AGBL1: variants seen among roughly 807,000 people sequenced by gnomAD.
AGBL1 encodes cytosolic carboxypeptidase 4.
AGBL1 carries 130 observed loss-of-function variants against 118.9 expected under a neutral mutation model. The observed-to-expected ratio is 1.09, with a 90% CI of 0.95 to 1.26. The LOEUF is 1.26. AGBL1 is among the 50% of genes most tolerant of loss of function. The pLI is 0.00. For missense variants in AGBL1, 1,584 were observed against 1,298.1 expected (o/e 1.22, Z -3.38); for synonymous variants, 555 against 478.9 (o/e 1.16, Z -2.08).
intron 22 of AGBL1, among the ~76,000 whole-genome samples, chr15:86,728,868 A>G (rs1258546467): frequency 6.6e-6 from 1 of 152,178 alleles, no homozygotes; most frequent in Non-Finnish European, 1.5e-5. Context: ...TCTAACCTGC[A>G]CATCCAGATT....
intron 21 of AGBL1, among the ~76,000 whole-genome samples, chr15:86,658,312 C>G (rs1044061396): frequency 6.6e-6 from 1 of 152,048 alleles, no homozygotes; most frequent in African/African-American, 2.4e-5. Context: ...TGTCCTTAGC[C>G]TGAGAATGTA....
At chr15:86,134,467 T>C (rs2076858546) in intron 1 of AGBL1, among the ~76,000 whole-genome samples, 1 of 152,146 alleles carries the variant, frequency 6.6e-6, no homozygotes, top group Non-Finnish European at 1.5e-5. Flanking sequence ...TCAGGGGCAC[T>C]ACTCAAAGTG....
At chr15:86,257,484 T>C (rs1360731380) in intron 8 of AGBL1, among the ~76,000 whole-genome samples, 2 of 152,230 alleles carry the variant, frequency 1.3e-5, no homozygotes, top group African/African-American at 2.4e-5. Flanking sequence ...AAGATCCTAG[T>C]ACGAACAGAT....
intron 17 of AGBL1, among the ~76,000 whole-genome samples, chr15:86,324,057 G>T (rs2080145837): frequency 6.6e-6 from 1 of 152,162 alleles, no homozygotes. Flanking sequence ...AGAAAAAATA[G>T]AGTCATAAGC....
Position 86,267,075 on chromosome 15 carries a change from GAGTA to G in AGBL1, c.1838+6_1838+9del, listed in dbSNP as rs1472407052. ...TCTTCGCAAAGCCATCCAAGTGCGT[GAGTA>G]AGTAAGGAAAACCACAGTGGGTGTC... On this transcript the variant is annotated splice_donor_variant and splice_donor_region_variant and coding_sequence_variant and intron_variant, in exon 13 of 23. Transcript: ENST00000614907. LOFTEE classifies it high-confidence loss of function. 1 of 1,558,718 alleles carries G rather than the reference GAGTA, an allele frequency of 6.4e-7. No homozygotes were observed. Among genetic ancestry groups the G allele is most frequent in the Admixed American group, 1.9e-5 (1 of 51,992 alleles).
chr15:86,680,086 C>T (rs2085926044), intron 22 of AGBL1, among the ~76,000 whole-genome samples: 1 of 152,070 alleles, frequency 6.6e-6, no homozygotes, highest in Admixed American at 6.6e-5. Flanking sequence ...CATCTGTGTT[C>T]TATTTATTTG....
intron 6 of AGBL1, among the ~76,000 whole-genome samples, chr15:86,234,550 CAAAAAAA>C (rs397854519): frequency 1.3e-5 from 1 of 76,322 alleles, no homozygotes; most frequent in Non-Finnish European, 2.5e-5. Flanking sequence ...GACTCTATCT[CAAAAAAA>C]AAAAAAAAAA....
chr15:86,246,822 C>G (rs960594624), intron 6 of AGBL1, among the ~76,000 whole-genome samples: 1 of 152,158 alleles, frequency 6.6e-6, no homozygotes, highest in African/African-American at 2.4e-5. Flanking sequence ...ACATGGCAGC[C>G]TTACAGGTAC....
intron 21 of AGBL1, among the ~76,000 whole-genome samples, chr15:86,654,343 G>T (rs1415804412): frequency 6.6e-6 from 1 of 151,996 alleles, no homozygotes; most frequent in African/African-American, 2.4e-5. Context: ...CTTATTTTGA[G>T]TGTAGAAGCT....
chr15:86,301,311 C>T (rs1431051402), intron 17 of AGBL1, among the ~76,000 whole-genome samples: 1 of 151,618 alleles, frequency 6.6e-6, no homozygotes, highest in Non-Finnish European at 1.5e-5. Flanking sequence ...GGCTGAGGGA[C>T]ATAGGGACAT....
At chr15:86,757,074 A>G (rs2077952736) in intron 22 of AGBL1, among the ~76,000 whole-genome samples, 3 of 152,066 alleles carry the variant, frequency 2.0e-5, no homozygotes, top group African/African-American at 7.2e-5. Context: ...AGAATTTACA[A>G]CTAAAAACAG....
chr15:86,688,201 C>T (rs902855761), intron 22 of AGBL1, among the ~76,000 whole-genome samples: 32 of 151,976 alleles, frequency 2.1e-4, no homozygotes, highest in African/African-American at 7.5e-4. Context: ...GAGGGAGGTC[C>T]TCTCTGACCC....
At chr15:86,176,342 C>T (rs919953869) in intron 5 of AGBL1, among the ~76,000 whole-genome samples, 3 of 152,114 alleles carry the variant, frequency 2.0e-5, no homozygotes, top group African/African-American at 7.2e-5. Context: ...CAGGAAGGCT[C>T]CCAGACAGAC....
intron 17 of AGBL1, among the ~76,000 whole-genome samples, chr15:86,388,755 G>A (rs554525196): frequency 2.6e-5 from 4 of 152,166 alleles, no homozygotes; most frequent in South Asian, 4.1e-4. Context: ...TAAGTTTTTC[G>A]CTTGCTTTCC....
intron 7 of AGBL1, among the ~76,000 whole-genome samples, chr15:86,251,422 A>T (rs528851592): frequency 3.2e-4 from 49 of 152,282 alleles, no homozygotes; most frequent in African/African-American, 1.2e-3. Context: ...CTTTCCTGAC[A>T]ACTTCCTAAA....
intron 18 of AGBL1, among the ~76,000 whole-genome samples, chr15:86,483,782 A>G (rs753922081): frequency 6.6e-6 from 1 of 152,146 alleles, no homozygotes; most frequent in African/African-American, 2.4e-5. Context: ...AGACACAAAC[A>G]TTTAGCTGTT....
Position 86,636,748 on chromosome 15 carries a change from TATATATATATAC to T in AGBL1, c.2995-37523_2995-37512del, listed in dbSNP as rs1193006106. ...ATATATATATATATATATATATATA[TATATATATATAC>T]ACATACATACAGAAAGGCAAGAGAA... On this transcript the variant is annotated intron_variant, in intron 21 of 22. Transcript: ENST00000614907. 7.7e-3 allele frequency among the ~76,000 whole-genome samples: 460 copies of T among 59,990 alleles called. 28 individuals carry two copies. Among genetic ancestry groups the T allele is most frequent in the African/African-American group, 0.036 (388 of 10,900 alleles). The allele number at this position is 59,990 out of a possible 152,430, so 39.4% of individuals were successfully genotyped here.
intron 22 of AGBL1, among the ~76,000 whole-genome samples, chr15:86,758,966 C>CAAAAA (rs80297816): frequency 2.5e-5 from 2 of 80,902 alleles, no homozygotes; most frequent in Admixed American, 1.4e-4. Context: ...GACACCCTGT[C>CAAAAA]AAAAAAAAAA....
At chr15:86,563,526 G>C (rs567394545) in intron 21 of AGBL1, among the ~76,000 whole-genome samples, 1 of 150,970 alleles carries the variant, frequency 6.6e-6, no homozygotes, top group South Asian at 2.1e-4. Context: ...TATAATTTCT[G>C]TTCTTTTACA....
Sources: allele counts gnomAD v4.1 joint callset (sites outside exome capture counted in the v4.1 genomes callset), GRCh38; gene constraint gnomAD v4.1.1; transcripts MANE v1.5; gene names NCBI Gene and HGNC (gene_info 2026-07-23, HGNC 2026-07-21).